TIMMDC1: variants seen among roughly 807,000 people sequenced by gnomAD.
TIMMDC1 encodes complex I assembly factor TIMMDC1, mitochondrial.
TIMMDC1 carries 25 observed loss-of-function variants against 32.6 expected under a neutral mutation model. That is an observed-to-expected ratio of 0.77 (90% CI 0.56 to 1.07). The LOEUF (loss-of-function observed/expected upper bound fraction) is 1.07, where lower values mean the gene tolerates loss of function less well. Ranked by LOEUF, TIMMDC1 falls within the 50% of genes least tolerant of loss-of-function variation. TIMMDC1 has a pLI of 0.00. For synonymous variants in TIMMDC1, 130 were observed against 127.6 expected, an observed-to-expected ratio of 1.02 and a Z score of -0.13; for missense variants, 329 against 349.2, an observed-to-expected ratio of 0.94 and a Z score of 0.46.
At chr3:119,505,186 A>G (rs533400532) in intron 4 of TIMMDC1, among the ~76,000 whole-genome samples, 61 of 152,268 alleles carry the variant, frequency 4.0e-4, no homozygotes, top group African/African-American at 1.5e-3. Flanking sequence ...CAATATATAC[A>G]TACTGCAAAA....
chr3:119,500,878 A>G lies in TIMMDC1; in HGVS notation c.360+18A>G. ...ATGCTGTGGTATGTACTGGTGATCT[A>G]AAGAAATTTGGGGCACACTGACTTA... On this transcript the variant is annotated intron_variant, in intron 2 of 6. Coordinates refer to ENST00000494664, the MANE Select transcript of TIMMDC1 (RefSeq NM_016589.4). 1.9e-6 allele frequency: 3 copies of G among 1,602,096 alleles called. No individual in the cohort carries two copies. Among genetic ancestry groups the G allele is most frequent in the Middle Eastern group, 1.7e-4 (1 of 5,990 alleles).
intron 2 of TIMMDC1, among the ~76,000 whole-genome samples, chr3:119,503,062 T>C (rs2081890571): frequency 1.3e-5 from 2 of 152,228 alleles, no homozygotes; most frequent in South Asian, 4.1e-4. Context: ...TGGATTCTTA[T>C]TTTATTCTGT....
Position 119,517,243 on chromosome 3 carries a change from A to T in TIMMDC1, c.635A>T (p.Tyr212Phe). The T allele has an allele frequency of 1.9e-6, 3 of 1,613,764 alleles. No individual in the cohort carries two copies. The highest frequency in any genetic ancestry group is 2.5e-6 in the Non-Finnish European group (3 of 1,179,756). The change falls in exon 6 of 7, where the codon TAC becomes TTC. Residue 212 changes from tyrosine (Y) to phenylalanine (F), a missense_variant. Transcript: ENST00000494664. ...VGGLLMAFQK[Y>F]SGETVQERKQ... ...GGCCTGCTGATGGCATTTCAGAAGT[A>T]CTCTGGTGAGACTGTTCAGGAAAGA...
chr3:119,510,453 T>A (rs1193424752), intron 4 of TIMMDC1, among the ~76,000 whole-genome samples: 1 of 117,592 alleles, frequency 8.5e-6, no homozygotes, highest in Non-Finnish European at 1.8e-5. Flanking sequence ...AATGTCTAAA[T>A]CATATCTAAA....
At chr3:119,499,092 CTTTTTTT>C (rs11317621) in intron 1 of TIMMDC1, 165 bp downstream of exon 1, 74 of 402,000 alleles carry the variant, frequency 1.8e-4, no homozygotes, top group East Asian at 1.7e-3. Flanking sequence ...TTTTTTCTTT[CTTTTTTT>C]TTTTTTTTTT....
At chr3:119,522,816 G>C (rs868547748) in intron 6 of TIMMDC1, among the ~76,000 whole-genome samples, 2 of 119,288 alleles carry the variant, frequency 1.7e-5, no homozygotes, top group African/African-American at 1.2e-4. Flanking sequence ...GTGTGTGTGT[G>C]TGTGTGTGTG....
At chr3:119,522,167 A>G (rs541771974) in intron 6 of TIMMDC1, among the ~76,000 whole-genome samples, 4 of 152,330 alleles carry the variant, frequency 2.6e-5, no homozygotes, top group Admixed American at 6.5e-5. Flanking sequence ...GTGTCCATCA[A>G]CAGATGGATG....
rs747280424 is a variant in TIMMDC1, at chr3:119,500,720, C to T, written c.220C>T (p.Leu74Phe). 6.2e-7 allele frequency: 1 copy of T among 1,613,404 alleles called. No individual in the cohort carries two copies. The highest frequency in any genetic ancestry group is 8.5e-7 in the Non-Finnish European group (1 of 1,179,760). ...TGAACAGCAGAGAATTTCAAAGGAC[C>T]TTGCTAATATCTGTAAGACGGCAGC... is the stretch of plus-strand genomic sequence containing the variant. ...KDEQQRISKD[L>F]ANICKTAATA... The change falls in exon 2 of 7, where the codon CTT becomes TTT. Residue 74 changes from leucine to phenylalanine, a missense_variant. Physicochemically the swap from Leu to Phe is conservative, Grantham distance 22. Transcript: ENST00000494664.
intron 6 of TIMMDC1, among the ~76,000 whole-genome samples, chr3:119,518,446 A>G (rs1430933090): frequency 2.6e-5 from 4 of 152,012 alleles, no homozygotes; most frequent in Non-Finnish European, 5.9e-5. Context: ...CTGTAGGTCC[A>G]TCATCCAAGG....
chr3:119,513,764 T>A, intron 5 of TIMMDC1, 45 bp downstream of exon 5: 1 of 1,228,204 alleles, frequency 8.1e-7, no homozygotes, highest in Non-Finnish European at 1.2e-6. Flanking sequence ...CAATTTTCAT[T>A]AATACCTTGC....
chr3:119,509,707 A>AC (rs35120884), intron 4 of TIMMDC1, among the ~76,000 whole-genome samples: 1 of 145,934 alleles, frequency 6.9e-6, no homozygotes, highest in East Asian at 2.0e-4. Flanking sequence ...TTTTTTTGAG[A>AC]CGGAATCTTG....
At position 119,523,588 on chromosome 3, in the gene TIMMDC1, C is replaced by T; in HGVS notation, c.708-18C>T. On this transcript the variant is annotated intron_variant, in intron 6 of 6. Coordinates refer to ENST00000494664, the MANE Select transcript of TIMMDC1 (RefSeq NM_016589.4). ...GAAATGGAGCAGTATTTGATTTATC[C>T]TTTTTATCTGATTACAGGAAAGGCA... 2.5e-6 allele frequency: 4 copies of T among 1,574,848 alleles called. No homozygotes were observed. Among genetic ancestry groups the T allele is most frequent in the Non-Finnish European group, 3.4e-6 (4 of 1,164,424 alleles).
In TIMMDC1 at chr3:119,523,826, A is replaced by G; in HGVS notation, c.*70A>G. The stretch of plus-strand genomic sequence containing the variant: ...CCATGTCCGATGAATGCCAACAGAC[A>G]GGCCACTCTTTGGTCAGCCTGCTGA... On this transcript the variant is annotated 3_prime_UTR_variant, in exon 7 of 7. Transcript: ENST00000494664. 1 of 1,414,400 alleles carries G rather than the reference A, an allele frequency of 7.1e-7. No homozygotes were observed. Among genetic ancestry groups the G allele is most frequent in the Non-Finnish European group, 9.3e-7 (1 of 1,070,340 alleles). The allele number at this position is 1,414,400 out of a possible 1,614,324, so 87.6% of individuals were successfully genotyped here. A position where few individuals can be genotyped will look rare whatever the true frequency, so the allele number is the denominator to read the frequency against.
At position 119,500,841 on chromosome 3, in the gene TIMMDC1, A is replaced by G. The variant is rs1185591233; in HGVS notation, c.341A>G (p.His114Arg). ...YIEQSQAEIY[H>R]NRFDAVQSAH... ...GAGCAGAGCCAGGCAGAAATTTATC[A>G]TAACCGGTTTGATGCTGTGGTATGT... is the stretch of plus-strand genomic sequence containing the variant. The change falls in exon 2 of 7, where the codon CAT (histidine) becomes CGT (arginine). Residue 114 changes from histidine to arginine, a missense_variant. His to Arg is a conservative substitution (Grantham distance 29). Transcript: ENST00000494664. 2 of 1,614,040 alleles carry G rather than the reference A, an allele frequency of 1.2e-6. No homozygotes were observed. The highest frequency in any genetic ancestry group is 1.7e-6 in the Non-Finnish European group (2 of 1,179,934).
chr3:119,505,569 G>T (rs1183768147), intron 4 of TIMMDC1, among the ~76,000 whole-genome samples: 3 of 152,146 alleles, frequency 2.0e-5, no homozygotes, highest in Non-Finnish European at 4.4e-5. Context: ...GTTTCTCCAT[G>T]TTGGTCAGGC....
intron 4 of TIMMDC1, 95 bp downstream of exon 4, chr3:119,504,116 G>A (rs1373722648): frequency 2.1e-6 from 2 of 938,902 alleles, no homozygotes; most frequent in Middle Eastern, 2.9e-4. Context: ...TTCTTTGGTT[G>A]GCTTCCCATT....
At chr3:119,499,504 A>G (rs777087438) in intron 1 of TIMMDC1, among the ~76,000 whole-genome samples, 2 of 146,422 alleles carry the variant, frequency 1.4e-5, no homozygotes, top group Non-Finnish European at 3.0e-5. Context: ...TGCACTCTTC[A>G]CTTCCCAGGT....
intron 6 of TIMMDC1, among the ~76,000 whole-genome samples, chr3:119,519,121 C>CCAATAAGAACG (rs1553780439): frequency 6.6e-6 from 1 of 151,868 alleles, no homozygotes; most frequent in Non-Finnish European, 1.5e-5. Context: ...AGAGCAGATA[C>CCAATAAGAACG]AGAAAGGAAT....
In TIMMDC1 at chr3:119,503,540, A is replaced by G. The variant is rs746162614; in HGVS notation, c.369A>G (p.Ala123=). The G allele has an allele frequency of 1.2e-5, 20 of 1,607,946 alleles. No individual in the cohort carries two copies. The South Asian group carries it at 1.8e-4, about 14-fold the overall frequency. ...TTTTTAATTAACTTTAGCAATCTGC[A>G]CATCGTGCTGCCACACGAGGCTTCA... ...YHNRFDAVQS[A]HRAATRGFIR... Residue 123 remains alanine, a synonymous_variant, in exon 3 of 7, where the codon GCA becomes GCG. Transcript: ENST00000494664.
Sources: allele counts gnomAD v4.1 joint callset (sites outside exome capture counted in the v4.1 genomes callset), GRCh38; gene constraint gnomAD v4.1.1; transcripts MANE v1.5; gene names NCBI Gene and HGNC (gene_info 2026-07-23, HGNC 2026-07-21).